TTBK2: variants seen among roughly 807,000 people sequenced by gnomAD.
The protein encoded by TTBK2 is tau tubulin kinase 2.
TTBK2 carries 28 observed loss-of-function variants against 110.8 expected under a neutral mutation model. The observed-to-expected ratio is 0.25, with a 90% CI of 0.19 to 0.35. The LOEUF (loss-of-function observed/expected upper bound fraction) is 0.35. TTBK2 is among the 10% of genes least tolerant of loss of function. TTBK2 has a pLI of 1.00. For missense variants in TTBK2, 1,369 were observed against 1,500.3 expected, an observed-to-expected ratio of 0.91 and a Z score of 1.45; for synonymous variants, 532 against 527.3, an observed-to-expected ratio of 1.01 and a Z score of -0.12.
rs538828713 is a variant in TTBK2, at chr15:42,746,004, G to A, written c.3526C>T (p.His1176Tyr). ...TGTGGGGACGAACTCCTCTGGTCAT[G>A]GTGGGGCCGTCCAGCCCTAGATGGT... ...SSPSRAGRPH[H>Y]DQRSSSPHLG... The change falls in exon 15 of 15, where the codon CAT becomes TAT. Residue 1176 changes from histidine to tyrosine, a missense_variant. Physicochemically the swap from His to Tyr is moderately conservative, Grantham distance 83 (BLOSUM62 2). Transcript: ENST00000267890. 9 of 1,614,186 alleles carry A rather than the reference G, an allele frequency of 5.6e-6. No individual in the cohort carries two copies. In the South Asian group the frequency reaches 8.8e-5, roughly 16 times the overall value.
intron 6 of TTBK2, among the ~76,000 whole-genome samples, chr15:42,827,416 G>A (rs971141830): frequency 6.6e-6 from 1 of 152,130 alleles, no homozygotes; most frequent in African/African-American, 2.4e-5. Context: ...CTTACACATA[G>A]GGGGAAAAAG....
At chr15:42,914,581 T>A (rs1376925147) in intron 1 of TTBK2, among the ~76,000 whole-genome samples, 1 of 152,136 alleles carries the variant, frequency 6.6e-6, no homozygotes, top group East Asian at 1.9e-4. Context: ...TAGAAACCCA[T>A]ATTGGAGGGA....
At chr15:42,897,090 G>T (rs2141178953) in intron 1 of TTBK2, among the ~76,000 whole-genome samples, 1 of 152,112 alleles carries the variant, frequency 6.6e-6, no homozygotes, top group Non-Finnish European at 1.5e-5. Flanking sequence ...TGTTGGCCAG[G>T]CTAGTCTTGA....
At chr15:42,847,228 T>C (rs1330976193) in intron 3 of TTBK2, among the ~76,000 whole-genome samples, 1 of 152,230 alleles carries the variant, frequency 6.6e-6, no homozygotes, top group Non-Finnish European at 1.5e-5. Context: ...TTTAACACTC[T>C]ATATCTTCTT....
chr15:42,776,988 G>T, intron 12 of TTBK2, 43 bp downstream of exon 12: 1 of 1,552,420 alleles, frequency 6.4e-7, no homozygotes, highest in Non-Finnish European at 8.9e-7. Context: ...CAATAATAAT[G>T]GTACCTTAGA....
intron 1 of TTBK2, among the ~76,000 whole-genome samples, chr15:42,910,579 C>T (rs193106374): frequency 8.6e-4 from 131 of 152,110 alleles, no homozygotes; most frequent in African/African-American, 3.0e-3. Context: ...TAAATTGTCA[C>T]GAATACAGGG....
chr15:42,793,725 G>T (rs953906667), intron 10 of TTBK2, among the ~76,000 whole-genome samples: 5 of 151,882 alleles, frequency 3.3e-5, no homozygotes, highest in African/African-American at 1.2e-4. Flanking sequence ...GCAAAGGCCT[G>T]TAATCCCAGC....
At chr15:42,763,171 TATATATATATATATA>T (rs1889146883) in intron 13 of TTBK2, among the ~76,000 whole-genome samples, 1 of 16,368 alleles carries the variant, frequency 6.1e-5, no homozygotes, top group Non-Finnish European at 1.1e-4. Context: ...TATATATATA[TATATATATATATATA>T]TATATATTTT....
At chr15:42,887,908 G>A (rs1018865422) in intron 1 of TTBK2, among the ~76,000 whole-genome samples, 17 of 148,916 alleles carry the variant, frequency 1.1e-4, no homozygotes, top group Admixed American at 3.3e-4. Context: ...TACCTACCTC[G>A]GCATAATTCT....
At chr15:42,804,008 CAAAAAAAAAAAA>C (rs781131720) in intron 9 of TTBK2, among the ~76,000 whole-genome samples, 1 of 51,052 alleles carries the variant, frequency 2.0e-5, no homozygotes, top group Non-Finnish European at 4.8e-5. Flanking sequence ...GCGAGGAGTG[CAAAAAAAAAAAA>C]AAAAAAAAAA....
At position 42,739,198 on chromosome 15, in the gene TTBK2, C is replaced by T. The variant is rs970184029; in HGVS notation, c.*6597G>A. On this transcript the variant is annotated 3_prime_UTR_variant, in exon 15 of 15. Coordinates refer to ENST00000267890, the MANE Select transcript of TTBK2 (RefSeq NM_173500.4). ...GAGCAAAATTGTATAAAGGGAGCTG[C>T]TTGGAGGGGAAAGGAACACAATAAA... The T allele has an allele frequency of 2.0e-5, 3 of 152,128 alleles. No individual in the cohort carries two copies. The highest frequency in any genetic ancestry group is 4.8e-5 in the African/African-American group (2 of 41,414). The allele number at this position is 152,128 out of a possible 1,614,324, so 9.4% of individuals were successfully genotyped here. A position where few individuals can be genotyped will look rare whatever the true frequency, so the allele number is the denominator to read the frequency against.
At chr15:42,846,178 A>G (rs1458786273) in intron 3 of TTBK2, among the ~76,000 whole-genome samples, 1 of 150,782 alleles carries the variant, frequency 6.6e-6, no homozygotes, top group East Asian at 1.9e-4. Context: ...TTTTTTTCCT[A>G]ATTTTTTTTC....
At chr15:42,890,027 C>T (rs769257284) in intron 1 of TTBK2, among the ~76,000 whole-genome samples, 9 of 152,150 alleles carry the variant, frequency 5.9e-5, no homozygotes, top group Admixed American at 3.3e-4. Context: ...ATCCAGATGG[C>T]CTGAAGCAAC....
At chr15:42,902,499 A>C (rs1827782886) in intron 1 of TTBK2, among the ~76,000 whole-genome samples, 1 of 152,186 alleles carries the variant, frequency 6.6e-6, no homozygotes, top group Non-Finnish European at 1.5e-5. Flanking sequence ...CAGCCTGGGC[A>C]AGAAGAGTGA....
intron 3 of TTBK2, among the ~76,000 whole-genome samples, chr15:42,854,878 G>C (rs1893866095): frequency 6.6e-6 from 1 of 151,980 alleles, no homozygotes; most frequent in Non-Finnish European, 1.5e-5. Context: ...CAACAATAAA[G>C]TTTATGAAGT....
intron 13 of TTBK2, among the ~76,000 whole-genome samples, chr15:42,763,267 C>G (rs1268590875): frequency 8.9e-6 from 1 of 112,688 alleles, no homozygotes; most frequent in Non-Finnish European, 1.7e-5. Flanking sequence ...CAGGCTGGAG[C>G]ACAGAGTGCG....
At position 42,871,686 on chromosome 15, in the gene TTBK2, TC is replaced by T. The variant is rs200619804; in HGVS notation, c.217+924del. ...AAAAGGTCAGAAAAAGAAAGAGCCA[TC>T]CTTTTACCTATTCTTTCTTCTCCAA... On this transcript the variant is annotated intron_variant, in intron 3 of 14. Transcript: ENST00000267890. 3.0e-3 allele frequency: 1,650 copies of T among 555,294 alleles called. 20 individuals carry two copies. The African/African-American group carries it at 0.032, about 11-fold the overall frequency. The allele number at this position is 555,294 out of a possible 1,614,324, so 34.4% of individuals were successfully genotyped here. A position where few individuals can be genotyped will look rare whatever the true frequency, so the allele number is the denominator to read the frequency against.
chr15:42,796,558 G>T (rs1347945699), intron 9 of TTBK2, among the ~76,000 whole-genome samples: 1 of 152,216 alleles, frequency 6.6e-6, no homozygotes, highest in Non-Finnish European at 1.5e-5. Flanking sequence ...CAAAAAAGGA[G>T]TGGCCAGTGA....
At position 42,863,738 on chromosome 15, in the gene TTBK2, G is replaced by C. The variant is rs544238398; in HGVS notation, c.217+8873C>G. 1.4e-3 allele frequency among the ~76,000 whole-genome samples: 217 copies of C among 152,180 alleles called. 2 individuals are homozygous for C. The highest frequency in any genetic ancestry group is 4.5e-3 in the Admixed American group (69 of 15,278). On this transcript the variant is annotated intron_variant, in intron 3 of 14. Transcript: ENST00000267890. ...GTACTGGCACAAAAACAGACACACA[G>C]ACCAATGGAACAGGTTAGAGAACCC...
Sources: allele counts gnomAD v4.1 joint callset (sites outside exome capture counted in the v4.1 genomes callset), GRCh38; gene constraint gnomAD v4.1.1; transcripts MANE v1.5; gene names NCBI Gene and HGNC (gene_info 2026-07-23, HGNC 2026-07-21).